The following RGS21 variants were observed in gnomAD, a reference collection of about 807,000 sequenced individuals.
The protein encoded by RGS21 is regulator of G protein signaling 21.
RGS21 carries 19 observed loss-of-function variants against 18.7 expected under a neutral mutation model. That is an observed-to-expected ratio of 1.01 (90% CI 0.71 to 1.49). The LOEUF is 1.49. RGS21 is among the 40% of genes most tolerant of loss of function. The probability of loss-of-function intolerance (pLI) is 0.00; values close to 1 mark genes in which losing one functional copy is unlikely to be tolerated. For missense variants in RGS21, 194 were observed against 176.8 expected, an observed-to-expected ratio of 1.10 and a Z score of -0.55; for synonymous variants, 56 against 57.8, an observed-to-expected ratio of 0.97 and a Z score of 0.14.
At chr1:192,351,112 C>T (rs1238494210) in intron 3 of RGS21, among the ~76,000 whole-genome samples, 1 of 151,966 alleles carries the variant, frequency 6.6e-6, no homozygotes, top group African/African-American at 2.4e-5. Flanking sequence ...GAAGTACATG[C>T]TAAGGATAAT....
At chr1:192,343,623 T>C (rs12076472) in intron 2 of RGS21, among the ~76,000 whole-genome samples, 49,018 of 151,954 alleles carry the variant, frequency 0.32, 9,285 homozygotes, top group African/African-American at 0.52. Context: ...ACATATAATA[T>C]GGGTACTGCT....
chr1:192,356,655 A>G (rs2102236557), intron 4 of RGS21, among the ~76,000 whole-genome samples: 1 of 151,874 alleles, frequency 6.6e-6, no homozygotes, highest in Non-Finnish European at 1.5e-5. Context: ...CAGATATATG[A>G]GTTGTTGACA....
intron 4 of RGS21, among the ~76,000 whole-genome samples, chr1:192,361,677 C>T (rs1659189322): frequency 6.6e-6 from 1 of 152,098 alleles, no homozygotes; most frequent in Admixed American, 6.6e-5. Flanking sequence ...TCCTGAGTAG[C>T]TGGGATTACA....
At position 192,353,399 on chromosome 1, in the gene RGS21, A is replaced by G. The variant is rs1571461106; in HGVS notation, c.255+1186A>G. Among the ~76,000 whole-genome samples the G allele has an allele frequency of 2.0e-5, 3 of 151,954 alleles. No individual in the cohort carries two copies. The South Asian group carries it at 6.2e-4, about 31-fold the overall frequency. ...TTTCAACATTTATTTCCAAGTCATCATCTAAGAATCAATAAATAATTCTGG... is the reference window on the plus strand; with the variant it reads ...TTTCAACATTTATTTCCAAGTCATCGTCTAAGAATCAATAAATAATTCTGG... On this transcript the variant is annotated intron_variant, in intron 4 of 4. Coordinates refer to ENST00000417209, the MANE Select transcript of RGS21 (RefSeq NM_001039152.3).
intron 4 of RGS21, among the ~76,000 whole-genome samples, chr1:192,359,865 T>C (rs1194340691): frequency 4.0e-5 from 6 of 151,270 alleles, no homozygotes; most frequent in African/African-American, 1.2e-4. Context: ...TCAAGGGAGT[T>C]GAAAAGGAAA....
At chr1:192,343,347 T>C (rs1658901890) in intron 2 of RGS21, among the ~76,000 whole-genome samples, 1 of 152,062 alleles carries the variant, frequency 6.6e-6, no homozygotes, top group Non-Finnish European at 1.5e-5. Flanking sequence ...AACATATACA[T>C]GATTCTTGCA....
In RGS21 at chr1:192,337,227, C is replaced by A. The variant is rs149080907; in HGVS notation, c.-60-5750C>A. Among the ~76,000 whole-genome samples the A allele has an allele frequency of 1.7e-3, 251 of 151,912 alleles. 1 individual carries two copies. Among genetic ancestry groups the A allele is most frequent in the African/African-American group, 5.4e-3 (225 of 41,454 alleles). On this transcript the variant is annotated intron_variant, in intron 1 of 4. Coordinates refer to ENST00000417209, the MANE Select transcript of RGS21 (RefSeq NM_001039152.3). ...TCTTAGTACCATCTCAAATATTGTA[C>A]GTTTTTGAAATGCTAGAATTTACAA... is the stretch of plus-strand genomic sequence containing the variant.
Position 192,330,310 on chromosome 1 carries a change from A to G in RGS21, c.-60-12667A>G, listed in dbSNP as rs1658628433. ...ATCCATGGGTAGAATTTAGACAACT[A>G]AAGACGGTGAGGTTAAATCAATTCC... On this transcript the variant is annotated intron_variant, in intron 1 of 4. Coordinates refer to ENST00000417209, the MANE Select transcript of RGS21 (RefSeq NM_001039152.3). Among the ~76,000 whole-genome samples the G allele has an allele frequency of 2.0e-5, 3 of 152,320 alleles. No homozygotes were observed. The South Asian group carries it at 6.2e-4, about 32-fold the overall frequency.
chr1:192,328,458 G>C (rs962314960), intron 1 of RGS21, among the ~76,000 whole-genome samples: 3 of 152,088 alleles, frequency 2.0e-5, no homozygotes, highest in African/African-American at 4.8e-5. Context: ...GTTTTTCTAA[G>C]TTAAATGTTT....
rs1659051234 is a variant in RGS21 at position 192,352,100 on chromosome 1, G to A, written c.142G>A (p.Val48Ile). ...AAAATCAGAGTTTAGTGAAGAAAAT[G>A]TTGAGTTCTGGCTTGCCTGTGAAGA... ...FLKSEFSEEN[V>I]EFWLACEDFK... Residue 48 changes from valine (V) to isoleucine (I), a missense_variant, in exon 4 of 5, where the codon GTT (valine) becomes ATT (isoleucine). Val to Ile is a conservative substitution (Grantham distance 29). Coordinates refer to ENST00000417209, the MANE Select transcript of RGS21 (RefSeq NM_001039152.3). 6.2e-7 allele frequency: 1 copy of A among 1,607,104 alleles called. No homozygotes were observed. Among genetic ancestry groups the A allele is most frequent in the East Asian group, 2.2e-5 (1 of 44,594 alleles).
chr1:192,344,024 AGAT>A (rs1338896373), intron 2 of RGS21, among the ~76,000 whole-genome samples: 1 of 152,094 alleles, frequency 6.6e-6, no homozygotes, highest in African/African-American at 2.4e-5. Flanking sequence ...TAAAAACAGA[AGAT>A]GATATTTCTT....
intron 3 of RGS21, 89 bp downstream of exon 3, chr1:192,347,478 AG>A: frequency 1.5e-6 from 1 of 646,574 alleles, no homozygotes; most frequent in African/African-American, 1.9e-5. Flanking sequence ...ATAAAGTATG[AG>A]TTTAATCAAT....
At chr1:192,321,991 T>A (rs1488483672) in intron 1 of RGS21, among the ~76,000 whole-genome samples, 1 of 152,124 alleles carries the variant, frequency 6.6e-6, no homozygotes, top group Non-Finnish European at 1.5e-5. Context: ...AGTAATTTGA[T>A]GCAGATTTTT....
intron 4 of RGS21, among the ~76,000 whole-genome samples, chr1:192,354,754 GAAC>G (rs200222090): frequency 0.032 from 4,917 of 151,544 alleles, 126 homozygotes; most frequent in South Asian, 0.059. Flanking sequence ...GTAAAATAAA[GAAC>G]AACAAGGTCA....
At chr1:192,347,716 G>A (rs1435576814) in intron 3 of RGS21, among the ~76,000 whole-genome samples, 1 of 152,070 alleles carries the variant, frequency 6.6e-6, no homozygotes, top group African/African-American at 2.4e-5. Context: ...CTGGAGTGCA[G>A]TGGCATGATC....
At chr1:192,339,253 G>T (rs1658817040) in intron 1 of RGS21, among the ~76,000 whole-genome samples, 1 of 151,240 alleles carries the variant, frequency 6.6e-6, no homozygotes. Flanking sequence ...TTTAGCACTT[G>T]CATCAAGATA....
In RGS21 at chr1:192,354,455, C is replaced by A. The variant is rs185278361; in HGVS notation, c.255+2242C>A. Among the ~76,000 whole-genome samples the A allele has an allele frequency of 3.4e-4, 51 of 151,698 alleles. 1 individual carries two copies. The highest frequency in any genetic ancestry group is 2.9e-3 in the Admixed American group (44 of 15,172). ...CCTAGCATTTTCCAGAAATTGCAGGCATATTGATATTGCTAATGTGAGTAG... is the reference window on the plus strand; with the variant it reads ...CCTAGCATTTTCCAGAAATTGCAGGAATATTGATATTGCTAATGTGAGTAG... On this transcript the variant is annotated intron_variant, in intron 4 of 4. Coordinates refer to ENST00000417209, the MANE Select transcript of RGS21 (RefSeq NM_001039152.3).
chr1:192,329,986 T>C (rs919098057), intron 1 of RGS21, among the ~76,000 whole-genome samples: 4 of 152,158 alleles, frequency 2.6e-5, no homozygotes, highest in Non-Finnish European at 5.9e-5. Context: ...AAGAAAAATA[T>C]AAATTTTTAA....
At chr1:192,347,971 G>A (rs964521673) in intron 3 of RGS21, among the ~76,000 whole-genome samples, 4 of 149,330 alleles carry the variant, frequency 2.7e-5, no homozygotes, top group African/African-American at 7.5e-5. Flanking sequence ...CCCTAGGCTC[G>A]CTGTGTGTGT....
Sources: gnomAD v4.1 joint callset for allele counts (sites outside exome capture counted in the v4.1 genomes callset) on GRCh38, gnomAD v4.1.1 for gene constraint, MANE v1.5 for transcripts, NCBI Gene and HGNC (gene_info 2026-07-23, HGNC 2026-07-21) for gene names.